The following LONRF3 variants were observed in gnomAD, a reference collection of about 807,000 sequenced individuals.
LONRF3 encodes LON peptidase N-terminal domain and ring finger 3.
Under a neutral mutation model 51.7 loss-of-function variants are expected in LONRF3, and 19 were observed. The observed-to-expected ratio is 0.37, with a 90% CI of 0.26 to 0.54. LONRF3 has a LOEUF of 0.54. Ranked by LOEUF, LONRF3 falls within the 20% of genes least tolerant of loss-of-function variation. The pLI is 0.86. For synonymous variants in LONRF3, 265 were observed against 257.8 expected (o/e 1.03, Z -0.27); for missense variants, 521 against 623.9 (o/e 0.84, Z 1.76).
rs1437398736 is a variant in LONRF3 at position 119,011,802 on chromosome X, C to T, written c.1653-13C>T. The T allele has an allele frequency of 1.7e-6, 2 of 1,206,101 alleles. No individual in the cohort carries two copies. The highest frequency in any genetic ancestry group is 2.2e-6 in the Non-Finnish European group (2 of 892,164). On this transcript the variant is annotated splice_polypyrimidine_tract_variant and intron_variant, in intron 7 of 10. Transcript: ENST00000371628. ...ATTGCTTTGAGATCCCTGTCATTTTCTCTTTCTGACAGCCTTAATAAGAAT... is the reference window on the plus strand; with the variant it reads ...ATTGCTTTGAGATCCCTGTCATTTTTTCTTTCTGACAGCCTTAATAAGAAT...
Position 118,975,228 on chromosome X carries a change from A to C in LONRF3, c.448A>C (p.Thr150Pro). 8.4e-7 allele frequency: 1 copy of C among 1,185,948 alleles called. No individual in the cohort carries two copies. Among genetic ancestry groups the C allele is most frequent in the South Asian group, 1.8e-5 (1 of 54,312 alleles). Residue 150 changes from threonine (T) to proline (P), a missense_variant, in exon 1 of 11, where the codon ACC becomes CCC. This residue lies in a region of LONRF3 where 376 missense variants were observed against 376.7 expected (regional missense o/e 1.00). Coordinates refer to ENST00000371628, the MANE Select transcript of LONRF3 (RefSeq NM_001031855.3). ...ETGAAAAAAA[T>P]EVWDGFKCRK... is the part of the protein sequence containing the mutation. The stretch of plus-strand genomic sequence containing the variant: ...GGGGGCCGCCGCGGCTGCGGCGGCC[A>C]CCGAGGTGTGGGACGGCTTTAAGTG...
At chrX:118,985,628 C>T (rs1922894700) in intron 3 of LONRF3, among the ~76,000 whole-genome samples, 1 of 111,959 alleles carries the variant, frequency 8.9e-6, no homozygotes. Context: ...GGCCGTCTGG[C>T]AGGAGAGAAA....
intron 3 of LONRF3, among the ~76,000 whole-genome samples, chrX:118,984,331 G>A (rs894452492): frequency 8.9e-6 from 1 of 112,420 alleles, no homozygotes; most frequent in Non-Finnish European, 1.9e-5. Flanking sequence ...AGCACTCACT[G>A]GTGAAGCTGG....
At chrX:119,004,119 C>A (rs1924533004) in intron 5 of LONRF3, among the ~76,000 whole-genome samples, 2 of 111,059 alleles carry the variant, frequency 1.8e-5, no homozygotes, top group South Asian at 7.6e-4. Context: ...CTCTCCAGTT[C>A]TCATTTTTTT....
At chrX:119,002,212 C>T (rs1421743950) in intron 5 of LONRF3, among the ~76,000 whole-genome samples, 1 of 112,033 alleles carries the variant, frequency 8.9e-6, no homozygotes, top group Non-Finnish European at 1.9e-5. Flanking sequence ...TTGCCAGGAC[C>T]CAAGAAGCTA....
At chrX:118,976,103 G>A (rs774983133) in intron 1 of LONRF3, among the ~76,000 whole-genome samples, 142 of 113,078 alleles carry the variant, frequency 1.3e-3, no homozygotes, top group African/African-American at 2.8e-3. Flanking sequence ...GTAGCCAGCA[G>A]GAGATGTCCG....
intron 10 of LONRF3, among the ~76,000 whole-genome samples, chrX:119,016,350 C>CTTTTTTTTT (rs10640705): frequency 2.3e-5 from 2 of 88,538 alleles, no homozygotes; most frequent in Non-Finnish European, 2.2e-5. Flanking sequence ...TTCTTTCTTT[C>CTTTTTTTTT]TTTTTTTTTT....
At position 118,974,897 on chromosome X, in the gene LONRF3, A is replaced by G; in HGVS notation, c.117A>G (p.Pro39=). The G allele has an allele frequency of 1.7e-6, 2 of 1,197,549 alleles. No individual in the cohort carries two copies. Among genetic ancestry groups the G allele is most frequent in the Non-Finnish European group, 2.3e-6 (2 of 888,761 alleles). ...SAAQVDMGPH[P]KVAAEGPAPL... ...CCCAAGTAGACATGGGCCCCCACCC[A>G]AAGGTGGCTGCAGAGGGCCCCGCAC... is the stretch of plus-strand genomic sequence containing the variant. The change falls in exon 1 of 11, where the codon CCA becomes CCG. Residue 39 remains proline, a synonymous_variant. Coordinates refer to ENST00000371628, the MANE Select transcript of LONRF3 (RefSeq NM_001031855.3).
intron 6 of LONRF3, among the ~76,000 whole-genome samples, chrX:119,008,104 G>T (rs1273153265): frequency 9.0e-6 from 1 of 111,632 alleles, no homozygotes; most frequent in African/African-American, 3.3e-5. Context: ...GGCAGATAAG[G>T]CATCCTGGAG....
Position 119,011,815 on chromosome X carries a change from C to A in LONRF3, c.1653C>A (p.Asn551Lys). 8.3e-7 allele frequency: 1 copy of A among 1,209,975 alleles called. No homozygotes were observed. Among genetic ancestry groups the A allele is most frequent in the Non-Finnish European group, 1.1e-6 (1 of 894,181 alleles). Residue 551 changes from asparagine (N) to lysine (K), a missense_variant and splice_region_variant, in exon 8 of 11, where the codon AAC becomes AAA. Physicochemically the swap from Asn to Lys is moderately conservative, Grantham distance 94. This residue lies in a region of LONRF3 where 145 missense variants were observed against 247.2 expected (regional missense o/e 0.59). Transcript: ENST00000371628. The stretch of plus-strand genomic sequence containing the variant: ...CCCTGTCATTTTCTCTTTCTGACAG[C>A]CTTAATAAGAATGTGCCTATTTTCG... ...LYEEEMEELS[N>K]LNKNVPIFVC...
chrX:119,009,843 T>C (rs747557646), intron 7 of LONRF3, among the ~76,000 whole-genome samples: 1 of 111,336 alleles, frequency 9.0e-6, no homozygotes, highest in Non-Finnish European at 1.9e-5. Flanking sequence ...GATCTTGGCT[T>C]ACTGCAACCT....
At chrX:118,992,123 G>A (rs943502066) in intron 5 of LONRF3, among the ~76,000 whole-genome samples, 4 of 111,652 alleles carry the variant, frequency 3.6e-5, no homozygotes, top group African/African-American at 1.3e-4. Context: ...TTGTGCTGGC[G>A]GGTCCTGCGG....
intron 2 of LONRF3, among the ~76,000 whole-genome samples, chrX:118,982,035 A>G (rs1417987757): frequency 1.8e-5 from 2 of 110,585 alleles, no homozygotes; most frequent in African/African-American, 6.6e-5. Context: ...CTCCCCCGCT[A>G]CTCTTTTTTC....
At chrX:118,978,870 G>A (rs980550519) in intron 2 of LONRF3, among the ~76,000 whole-genome samples, 1 of 111,482 alleles carries the variant, frequency 9.0e-6, no homozygotes, top group Non-Finnish European at 1.9e-5. Flanking sequence ...CTGTTGTGAG[G>A]ATTACATAAG....
At position 118,989,573 on chromosome X, in the gene LONRF3, G is replaced by C; in HGVS notation, c.1225G>C (p.Ala409Pro). 3.3e-6 allele frequency: 4 copies of C among 1,211,172 alleles called. No homozygotes were observed. The highest frequency in any genetic ancestry group is 3.4e-6 in the Non-Finnish European group (3 of 895,171). The change falls in exon 4 of 11, where the codon GCT becomes CCT. Residue 409 changes from alanine to proline, a missense_variant. This residue lies in a region of LONRF3 where 376 missense variants were observed against 376.7 expected (regional missense o/e 1.00). Transcript: ENST00000371628. ...EKWDATSPKA[A>P]SSKTGKCQEK... Reference sequence around the variant, plus strand: ...GTGGGATGCTACCTCTCCAAAAGCTGCTTCCAGCAAGACTGGAAAATGCCA... The same window carrying C: ...GTGGGATGCTACCTCTCCAAAAGCTCCTTCCAGCAAGACTGGAAAATGCCA...
At chrX:119,016,658 T>C (rs371807323) in intron 10 of LONRF3, among the ~76,000 whole-genome samples, 1 of 112,186 alleles carries the variant, frequency 8.9e-6, no homozygotes, top group East Asian at 2.8e-4. Context: ...GGGCAGAATA[T>C]ATTTCTAATG....
chrX:118,986,051 AACACACACACACACACACACAC>A (rs35356301), intron 3 of LONRF3, among the ~76,000 whole-genome samples: 7 of 83,857 alleles, frequency 8.3e-5, no homozygotes, highest in East Asian at 4.1e-4. Flanking sequence ...AGTATATGGA[AACACACACACACACACACACAC>A]ACACACACAC....
chrX:119,005,119 G>A (rs1221517270), intron 5 of LONRF3, among the ~76,000 whole-genome samples: 2 of 111,747 alleles, frequency 1.8e-5, no homozygotes, highest in East Asian at 2.8e-4. Context: ...GCCACACGAG[G>A]GAGCCGTGCA....
At chrX:119,012,894 G>A (rs1209288236) in intron 8 of LONRF3, 145 bp from the exon 9 acceptor site, 4 of 1,199,357 alleles carry the variant, frequency 3.3e-6, no homozygotes, top group Non-Finnish European at 4.5e-6. Context: ...TGCCTGTTGT[G>A]TAATTGAAGC....
Sources: gnomAD v4.1 joint callset for allele counts (sites outside exome capture counted in the v4.1 genomes callset) on GRCh38, gnomAD v4.1.1 for gene constraint, gnomAD v4.1.1 regional missense constraint, MANE v1.5 for transcripts, NCBI Gene and HGNC (gene_info 2026-07-23, HGNC 2026-07-21) for gene names.